NEFM: variants seen among roughly 807,000 people sequenced by gnomAD.
The protein encoded by NEFM is neurofilament medium polypeptide.
NEFM carries 16 observed loss-of-function variants against 48.1 expected under a neutral mutation model. That is an observed-to-expected ratio of 0.33 (90% CI 0.23 to 0.51). The LOEUF is 0.51. NEFM is among the 20% of genes least tolerant of loss of function. The pLI, the probability that NEFM is intolerant of heterozygous loss-of-function variation, is 0.98. For synonymous variants in NEFM, 465 were observed against 456.9 expected, an observed-to-expected ratio of 1.02 and a Z score of -0.23; for missense variants, 1,107 against 1,136.0, an observed-to-expected ratio of 0.97 and a Z score of 0.37.
Position 24,917,976 on chromosome 8 carries a change from G to C in NEFM, c.2121G>C (p.Lys707Asn), listed in dbSNP as rs775833039. 6.2e-7 allele frequency: 1 copy of C among 1,611,106 alleles called. No homozygotes were observed. The highest frequency in any genetic ancestry group is 8.5e-7 in the Non-Finnish European group (1 of 1,178,380). Residue 707 changes from lysine (K) to asparagine (N), a missense_variant, in exon 3 of 3, where the codon AAG (lysine) becomes AAC (asparagine). This residue lies in a region of NEFM where 917 missense variants were observed against 916.4 expected (regional missense o/e 1.00). Transcript: ENST00000221166. ...GTGAACAGAAAGAGGAAGAAGAAAA[G>C]GAAGTCAAGGAAGCTCCCAAGGAAG... ...GKGEQKEEEEKEVKEAPKEEK... is the reference protein window; with the variant it reads ...GKGEQKEEEENEVKEAPKEEK...
At position 24,915,694 on chromosome 8, in the gene NEFM, C is replaced by T; in HGVS notation, c.1170C>T (p.Val390=). ...HLREYQDLLN[V]KMALDIEIAA... ...GCGAATACCAGGACCTCCTCAACGT[C>T]AAGATGGCTCTGGATATAGAAATCG... Residue 390 remains valine (V), a synonymous_variant, in exon 2 of 3, where the codon GTC becomes GTT. Coordinates refer to ENST00000221166, the MANE Select transcript of NEFM (RefSeq NM_005382.2). 1 of 1,614,064 alleles carries T rather than the reference C, an allele frequency of 6.2e-7. No homozygotes were observed. The highest frequency in any genetic ancestry group is 8.5e-7 in the Non-Finnish European group (1 of 1,180,004).
intron 1 of NEFM, chr8:24,915,352 G>T: frequency 8.3e-7 from 1 of 1,204,552 alleles, no homozygotes; most frequent in South Asian, 1.6e-5. Context: ...CGTGTTCTAA[G>T]TCCACTGGTC....
At position 24,917,402 on chromosome 8, in the gene NEFM, C is replaced by A; in HGVS notation, c.1547C>A (p.Thr516Asn). Residue 516 changes from threonine to asparagine, a missense_variant, in exon 3 of 3, where the codon ACT becomes AAT. Physicochemically the swap from Thr to Asn is moderately conservative, Grantham distance 65. Coordinates refer to ENST00000221166, the MANE Select transcript of NEFM (RefSeq NM_005382.2). ...VAAKKSPVKATAPEVKEEEGE... is the reference protein window; with the variant it reads ...VAAKKSPVKANAPEVKEEEGE... ...GCCAAAAAGTCTCCAGTGAAAGCAA[C>A]TGCACCTGAAGTTAAAGAAGAGGAA... 6.4e-7 allele frequency: 1 copy of A among 1,568,152 alleles called. No individual in the cohort carries two copies. Among genetic ancestry groups the A allele is most frequent in the Non-Finnish European group, 8.6e-7 (1 of 1,156,152 alleles).
intron 1 of NEFM, 80 bp from the exon 2 acceptor site, chr8:24,915,525 G>T: frequency 6.2e-7 from 1 of 1,601,602 alleles, no homozygotes; most frequent in Non-Finnish European, 8.5e-7. Flanking sequence ...GAGGCCAGGG[G>T]GAAGGGGTAG....
Position 24,917,044 on chromosome 8 carries a change from T to G in NEFM, c.1206-17T>G. ...GAAATTTTTACTATGTCTTATGTTC[T>G]TGGATTTTCTCCTTAGAAAACTCCT... On this transcript the variant is annotated splice_polypyrimidine_tract_variant and intron_variant, in intron 2 of 2. Transcript: ENST00000221166. 1 of 1,612,368 alleles carries G rather than the reference T, an allele frequency of 6.2e-7. No homozygotes were observed. Among genetic ancestry groups the G allele is most frequent in the Non-Finnish European group, 8.5e-7 (1 of 1,178,372 alleles).
In NEFM at chr8:24,914,019, G is replaced by C; in HGVS notation, c.226G>C (p.Asp76His). 1 of 1,612,578 alleles carries C rather than the reference G, an allele frequency of 6.2e-7. No individual in the cohort carries two copies. Residue 76 changes from aspartate (D) to histidine (H), a missense_variant, in exon 1 of 3, where the codon GAC (aspartate) becomes CAC (histidine). Physicochemically the swap from Asp to His is moderately conservative, Grantham distance 81. Transcript: ENST00000221166. ...GCTCAGCTCCGCCGAGAGCAGCCTT[G>C]ACTTCAGCCAGTCCTCGTCCCTGCT... ...AMLSSAESSL[D>H]FSQSSSLLNG...
Position 24,915,609 on chromosome 8 carries a change from C to G in NEFM, c.1085C>G (p.Thr362Ser), listed in dbSNP as rs748043489. ...HNHDLSSYQD[T>S]IQQLENELRG... is the part of the protein sequence containing the mutation. ...GATTCTCTGTGTCTGTTTCAGGACA[C>G]CATCCAGCAGCTGGAAAATGAGCTT... is the stretch of plus-strand genomic sequence containing the variant. The change falls in exon 2 of 3, where the codon ACC becomes AGC. Residue 362 changes from threonine to serine, a missense_variant. This residue lies in a region of NEFM where 917 missense variants were observed against 916.4 expected (regional missense o/e 1.00). Coordinates refer to ENST00000221166, the MANE Select transcript of NEFM (RefSeq NM_005382.2). The G allele has an allele frequency of 2.5e-6, 4 of 1,613,950 alleles. No individual in the cohort carries two copies. In the Admixed American group the frequency reaches 6.7e-5, roughly 27 times the overall value.
In NEFM at chr8:24,918,616, C is replaced by G. The variant is rs749597163; in HGVS notation, c.*10C>G. The G allele has an allele frequency of 6.3e-7, 1 of 1,585,252 alleles. No individual in the cohort carries two copies. Among genetic ancestry groups the G allele is most frequent in the Non-Finnish European group, 8.6e-7 (1 of 1,157,672 alleles). ...CACCCAGAGTGACTAAGATTTGAGT[C>G]CATTGCAAAAGGTTAAGCCATATGA... On this transcript the variant is annotated 3_prime_UTR_variant, in exon 3 of 3. Coordinates refer to ENST00000221166, the MANE Select transcript of NEFM (RefSeq NM_005382.2).
intron 1 of NEFM, chr8:24,915,183 C>G: frequency 7.6e-7 from 1 of 1,311,006 alleles, no homozygotes; most frequent in Non-Finnish European, 9.7e-7. Flanking sequence ...GTGGATAAAT[C>G]AGCAACTTTA....
rs1802612779 is a variant in NEFM, at chr8:24,918,299, A to C, written c.2444A>C (p.Glu815Ala). 6.2e-7 allele frequency: 1 copy of C among 1,612,456 alleles called. No homozygotes were observed. Among genetic ancestry groups the C allele is most frequent in the Admixed American group, 1.7e-5 (1 of 59,696 alleles). The change falls in exon 3 of 3, where the codon GAG becomes GCG. Residue 815 changes from glutamate (E) to alanine (A), a missense_variant. Around this residue, in one of 3 missense-constraint regions of NEFM, gnomAD observed 917 missense variants for 916.4 expected, o/e 1.00. Coordinates refer to ENST00000221166, the MANE Select transcript of NEFM (RefSeq NM_005382.2). The part of the protein sequence containing the change: ...EVEGKEEVEQ[E>A]TKEKGSGREE... Reference sequence around the variant, plus strand: ...GAAGGAAAAGAGGAGGTAGAGCAGGAGACCAAGGAAAAAGGCAGTGGGAGG... The same window carrying C: ...GAAGGAAAAGAGGAGGTAGAGCAGGCGACCAAGGAAAAAGGCAGTGGGAGG...
At chr8:24,916,179 A>G (rs1373407520) in intron 2 of NEFM, among the ~76,000 whole-genome samples, 1 of 152,208 alleles carries the variant, frequency 6.6e-6, no homozygotes, top group East Asian at 1.9e-4. Flanking sequence ...GGCTGAGAAT[A>G]GATATAGAAT....
At chr8:24,916,944 C>A in intron 2 of NEFM, 117 bp from the exon 3 acceptor site, 1 of 855,370 alleles carries the variant, frequency 1.2e-6, no homozygotes, top group Non-Finnish European at 2.0e-6. Flanking sequence ...ATAGAATATT[C>A]TACTTATGTA....
At chr8:24,915,462 G>A in intron 1 of NEFM, 143 bp from the exon 2 acceptor site, 5 of 1,333,228 alleles carry the variant, frequency 3.8e-6, no homozygotes, top group Non-Finnish European at 5.3e-6. Context: ...GGTGGGACGG[G>A]GGGCTGGGAG....
rs1351518513 is a variant in NEFM at position 24,917,613 on chromosome 8, G to T, written c.1758G>T (p.Lys586Asn). The T allele has an allele frequency of 6.2e-7, 1 of 1,612,036 alleles. No homozygotes were observed. Among genetic ancestry groups the T allele is most frequent in the East Asian group, 2.2e-5 (1 of 44,870 alleles). Reference sequence around the variant, plus strand: ...AGGAAGCCGAAGCTAAAGAGGAAAAGAAAGTGGAGGAAAAGAGTGAGGAAG... The same window carrying T: ...AGGAAGCCGAAGCTAAAGAGGAAAATAAAGTGGAGGAAAAGAGTGAGGAAG... ...EGEEAEAKEE[K>N]KVEEKSEEVA... The change falls in exon 3 of 3, where the codon AAG (lysine) becomes AAT (asparagine). Residue 586 changes from lysine (K) to asparagine (N), a missense_variant. This residue lies in a region of NEFM where 917 missense variants were observed against 916.4 expected (regional missense o/e 1.00). Coordinates refer to ENST00000221166, the MANE Select transcript of NEFM (RefSeq NM_005382.2).
At chr8:24,915,571 A>T in intron 1 of NEFM, 34 bp from the exon 2 acceptor site, 1 of 1,613,514 alleles carries the variant, frequency 6.2e-7, no homozygotes, top group Non-Finnish European at 8.5e-7. Flanking sequence ...GTTTGCAAGG[A>T]TGAGTCTGGG....
chr8:24,914,420 C>A lies in NEFM; in HGVS notation c.627C>A (p.Asp209Glu). 1.2e-6 allele frequency: 2 copies of A among 1,613,640 alleles called. No individual in the cohort carries two copies. Among genetic ancestry groups the A allele is most frequent in the Non-Finnish European group, 1.7e-6 (2 of 1,180,006 alleles). The change falls in exon 1 of 3, where the codon GAC (aspartate) becomes GAA (glutamate). Residue 209 changes from aspartate (D) to glutamate (E), a missense_variant. Asp to Glu is a conservative substitution (Grantham distance 45). This residue lies in a region of NEFM where 917 missense variants were observed against 916.4 expected (regional missense o/e 1.00). Coordinates refer to ENST00000221166, the MANE Select transcript of NEFM (RefSeq NM_005382.2). Reference protein sequence around the residue: ...TEAAIRALRKDIEEASLVKVE... With the variant: ...TEAAIRALRKEIEEASLVKVE... ...CGGCCATCCGCGCGCTGCGCAAAGA[C>A]ATCGAGGAGGCGTCGCTGGTCAAGG...
intron 1 of NEFM, chr8:24,915,189 C>A: frequency 2.3e-6 from 3 of 1,308,544 alleles, no homozygotes; most frequent in Non-Finnish European, 2.9e-6. Flanking sequence ...AAATCAGCAA[C>A]TTTAGGATAG....
In NEFM at chr8:24,918,538, G is replaced by C; in HGVS notation, c.2683G>C (p.Val895Leu). 1 of 1,613,840 alleles carries C rather than the reference G, an allele frequency of 6.2e-7. No individual in the cohort carries two copies. The highest frequency in any genetic ancestry group is 8.5e-7 in the Non-Finnish European group (1 of 1,180,012). Residue 895 changes from valine to leucine, a missense_variant, in exon 3 of 3, where the codon GTG becomes CTG. Coordinates refer to ENST00000221166, the MANE Select transcript of NEFM (RefSeq NM_005382.2). ...TGAAGAGACCTTTGAGGAGAAACTA[G>C]TGTCTACTAAAAAGGTAGAAAAAGT... ...EHEETFEEKL[V>L]STKKVEKVTS...
chr8:24,914,774 G>A lies in NEFM; in HGVS notation c.981G>A (p.Lys327=), dbSNP rs1380358873. The A allele has an allele frequency of 6.2e-7, 1 of 1,610,782 alleles. No homozygotes were observed. The highest frequency in any genetic ancestry group is 1.1e-5 in the South Asian group (1 of 90,686). Residue 327 remains lysine, a synonymous_variant, in exon 1 of 3, where the codon AAG becomes AAA. Coordinates refer to ENST00000221166, the MANE Select transcript of NEFM (RefSeq NM_005382.2). ...IAEYRRQLQS[K]SIELESVRGT... is the part of the protein sequence containing the mutation. Reference sequence around the variant, plus strand: ...AGTACCGGCGCCAGCTGCAGTCCAAGAGCATCGAGCTAGAGTCGGTGCGCG... The same window carrying A: ...AGTACCGGCGCCAGCTGCAGTCCAAAAGCATCGAGCTAGAGTCGGTGCGCG...
Sources: gnomAD v4.1 joint callset for allele counts (sites outside exome capture counted in the v4.1 genomes callset) on GRCh38, gnomAD v4.1.1 for gene constraint, gnomAD v4.1.1 regional missense constraint, MANE v1.5 for transcripts, NCBI Gene and HGNC (gene_info 2026-07-23, HGNC 2026-07-21) for gene names.